Variants in MATR3 observed in about 807,000 individuals in gnomAD.
The protein encoded by MATR3 is matrin 3.
MATR3 carries 4 observed loss-of-function variants against 85.5 expected under a neutral mutation model. The ratio of observed to expected loss-of-function variants is 0.05; its 90% confidence interval spans 0.02 to 0.11. The LOEUF is 0.11. Ranked by LOEUF, MATR3 falls within the 10% of genes least tolerant of loss-of-function variation. MATR3 has a pLI of 1.00. For synonymous variants in MATR3, 336 were observed against 343.1 expected, an observed-to-expected ratio of 0.98 and a Z score of 0.23; for missense variants, 685 against 1,016.1, an observed-to-expected ratio of 0.67 and a Z score of 4.43.
At chr5:139,303,759 A>T (rs866603292) in intron 1 of MATR3, among the ~76,000 whole-genome samples, 38 of 151,904 alleles carry the variant, frequency 2.5e-4, no homozygotes, top group East Asian at 5.8e-4. Flanking sequence ...TTTTTTTTTT[A>T]AACTAAAAAT....
chr5:139,304,554 T>G (rs1441522979), intron 1 of MATR3, among the ~76,000 whole-genome samples: 1 of 151,822 alleles, frequency 6.6e-6, no homozygotes, highest in African/African-American at 2.4e-5. Context: ...GGCATTTGTG[T>G]AGTGAAATTG....
chr5:139,299,783 C>T (rs1049056417), intron 1 of MATR3: 4 of 152,214 alleles, frequency 2.6e-5, no homozygotes, highest in Non-Finnish European at 5.9e-5. Context: ...GAGGTGTGAG[C>T]TTTGATGCCA....
At chr5:139,320,623 G>A (rs1414475382) in intron 9 of MATR3, among the ~76,000 whole-genome samples, 1 of 151,964 alleles carries the variant, frequency 6.6e-6, no homozygotes, top group Non-Finnish European at 1.5e-5. Context: ...TAAGGATGAG[G>A]AGAACATCTT....
chr5:139,325,162 C>G (rs1755782891), intron 12 of MATR3: 5 of 1,278,312 alleles, frequency 3.9e-6, no homozygotes, highest in Non-Finnish European at 5.3e-6. Flanking sequence ...CACTGCACCC[C>G]AGCCTGGTCG....
intron 7 of MATR3, among the ~76,000 whole-genome samples, chr5:139,318,569 A>C (rs1342901492): frequency 1.3e-5 from 2 of 151,948 alleles, no homozygotes; most frequent in Non-Finnish European, 2.9e-5. Context: ...CCTCCTCCCA[A>C]GTAGCTGGGA....
intron 2 of MATR3, chr5:139,312,163 C>G (rs1203241928): frequency 6.6e-6 from 1 of 152,150 alleles, no homozygotes; most frequent in Non-Finnish European, 1.5e-5. Flanking sequence ...GAGAAAGGGT[C>G]TTTTGCTTTG....
rs145203465 is a variant in MATR3, at chr5:139,303,230, T to C, written c.-177-4009T>C. On this transcript the variant is annotated intron_variant, in intron 1 of 14. Transcript: ENST00000394805. ...GATTCTCCGGCCTTAGCCTCCCACG[T>C]AGGTGGGACTACAGGTGCGTGCCAC... 1.6e-3 allele frequency among the ~76,000 whole-genome samples: 239 copies of C among 152,314 alleles called. 8 individuals carry two copies. The highest frequency in any genetic ancestry group is 5.6e-3 in the African/African-American group (231 of 41,574).
At position 139,307,102 on chromosome 5, in the gene MATR3, T is replaced by TA; in HGVS notation, c.-177-136dup. The TA allele has an allele frequency of 2.3e-6, 1 of 436,268 alleles. No homozygotes were observed. Among genetic ancestry groups the TA allele is most frequent in the Non-Finnish European group, 3.3e-6 (1 of 305,942 alleles). 27.0% of individuals were successfully genotyped at this position (436,268 alleles called of 1,614,324 possible). On this transcript the variant is annotated intron_variant, in intron 1 of 14. Coordinates refer to ENST00000394805, the MANE Select transcript of MATR3 (RefSeq NM_018834.6). This position sits in a 1 kb window ranked among gnomAD's most constrained non-coding sequence, Gnocchi z 4.4. ...GCATACATCAGGAATCTGTTTAAGATATGTAATAAATTCCTTGTAAGTTTG... is the reference window on the plus strand; with the variant it reads ...GCATACATCAGGAATCTGTTTAAGATAATGTAATAAATTCCTTGTAAGTTTG...
At chr5:139,311,188 CTT>C (rs1482578447) in intron 2 of MATR3, 1 of 152,158 alleles carries the variant, frequency 6.6e-6, no homozygotes, top group African/African-American at 2.4e-5. Context: ...TGTCTTGTCA[CTT>C]GAGTTTATAT....
chr5:139,329,402 C>G lies in MATR3; in HGVS notation c.*7C>G. On this transcript the variant is annotated 3_prime_UTR_variant, in exon 15 of 15. Transcript: ENST00000394805. ...ACAGAAGAAGGAAACTTAAGATGTG[C>G]AAGGAGATTTAATGATTTCAAAGAA... is the stretch of plus-strand genomic sequence containing the variant. The G allele has an allele frequency of 6.2e-7, 1 of 1,607,478 alleles. No homozygotes were observed. The highest frequency in any genetic ancestry group is 1.1e-5 in the South Asian group (1 of 90,914).
upstream of MATR3, among the ~76,000 whole-genome samples, chr5:139,288,934 C>T (rs1336516725): frequency 2.8e-4 from 43 of 152,248 alleles, no homozygotes; most frequent in Non-Finnish European, 5.7e-4. Flanking sequence ...CCACCACGCC[C>T]GGCCACACCC....
chr5:139,295,982 C>T (rs1160776992), intron 1 of MATR3, among the ~76,000 whole-genome samples: 5 of 152,146 alleles, frequency 3.3e-5, no homozygotes, highest in Non-Finnish European at 7.3e-5. Flanking sequence ...CGCCACCACA[C>T]CAAGCTAATT....
intron 12 of MATR3, among the ~76,000 whole-genome samples, chr5:139,324,914 G>A (rs1755766790): frequency 1.3e-5 from 2 of 151,958 alleles, no homozygotes; most frequent in South Asian, 2.1e-4. Context: ...AGACGCGGCC[G>A]GGCACGGTGG....
Position 139,308,340 on chromosome 5 carries a change from A to T in MATR3, c.912+13A>T. On this transcript the variant is annotated intron_variant, in intron 2 of 14. Coordinates refer to ENST00000394805, the MANE Select transcript of MATR3 (RefSeq NM_018834.6). ...TCATTCTAATAAGGTGAGTTAACTCAACAGATGCTTCTAATTTCTTTTACA... is the reference window on the plus strand; with the variant it reads ...TCATTCTAATAAGGTGAGTTAACTCTACAGATGCTTCTAATTTCTTTTACA... The T allele has an allele frequency of 6.2e-7, 1 of 1,614,022 alleles. No individual in the cohort carries two copies. Among genetic ancestry groups the T allele is most frequent in the South Asian group, 1.1e-5 (1 of 91,062 alleles).
chr5:139,301,752 T>C (rs1249959941), intron 1 of MATR3, among the ~76,000 whole-genome samples: 1 of 152,236 alleles, frequency 6.6e-6, no homozygotes, highest in East Asian at 1.9e-4. Flanking sequence ...TATCTTGTAA[T>C]ACGGGTTTAC....
In MATR3 at chr5:139,322,769, G is replaced by A; in HGVS notation, c.1950G>A (p.Met650Ile). The A allele has an allele frequency of 1.2e-6, 2 of 1,614,192 alleles. No homozygotes were observed. The highest frequency in any genetic ancestry group is 1.7e-6 in the Non-Finnish European group (2 of 1,180,040). Residue 650 changes from methionine (M) to isoleucine (I), a missense_variant, in exon 12 of 15, where the codon ATG (methionine) becomes ATA (isoleucine). By Grantham distance (10) the Met-to-Ile change is conservative. Transcript: ENST00000394805. ...ACCAGACAGAGCAGGAACCTAATAT[G>A]CTTCTTGAATCTGAAGATGAGCTAC... ...KDDQTEQEPN[M>I]LLESEDELLV...
intron 1 of MATR3, among the ~76,000 whole-genome samples, chr5:139,295,286 A>G: frequency 6.6e-6 from 1 of 152,240 alleles, no homozygotes; most frequent in East Asian, 1.9e-4. Context: ...GCTCTGGATG[A>G]TGCCTTTTCC....
chr5:139,314,787 C>A, intron 3 of MATR3, 51 bp downstream of exon 3: 1 of 1,548,964 alleles, frequency 6.5e-7, no homozygotes, highest in Non-Finnish European at 8.9e-7. Context: ...TCAGAATCAG[C>A]CATTATTGGT....
intron 9 of MATR3, chr5:139,321,679 G>A: frequency 1.8e-6 from 1 of 556,966 alleles, no homozygotes; most frequent in Non-Finnish European, 3.2e-6. Flanking sequence ...AGCTACTGGG[G>A]GGCTAAGGTG....
Sources: allele counts gnomAD v4.1 joint callset (sites outside exome capture counted in the v4.1 genomes callset), GRCh38; gene constraint gnomAD v4.1.1; non-coding constraint Gnocchi (gnomAD v3.1); transcripts MANE v1.5; gene names NCBI Gene and HGNC (gene_info 2026-07-23, HGNC 2026-07-21).